The following NCAM2 variants were observed in gnomAD, a reference collection of about 807,000 sequenced individuals.
NCAM2 encodes the protein N-CAM-2.
In NCAM2, 30 loss-of-function variants were observed where a neutral mutation model predicts 98.1. The observed-to-expected ratio is 0.31, with a 90% CI of 0.23 to 0.41. The LOEUF is 0.41. NCAM2 is among the 10% of genes least tolerant of loss of function. NCAM2 has a pLI of 1.00. For missense variants in NCAM2, 867 were observed against 1,005.8 expected, an observed-to-expected ratio of 0.86 and a Z score of 1.87; for synonymous variants, 368 against 342.4, an observed-to-expected ratio of 1.07 and a Z score of -0.83.
intron 11 of NCAM2, among the ~76,000 whole-genome samples, chr21:21,430,403 T>TATATA (rs71195328): frequency 6.1e-5 from 9 of 146,670 alleles, no homozygotes; most frequent in South Asian, 2.2e-4. Context: ...TTTATATATA[T>TATATA]TAGCCCATTC....
chr21:21,327,240 G>A (rs1428793827), intron 6 of NCAM2, among the ~76,000 whole-genome samples: 4 of 148,802 alleles, frequency 2.7e-5, no homozygotes, highest in Non-Finnish European at 4.4e-5. Flanking sequence ...CCCGGGAGAC[G>A]GAGGTTGCAG....
intron 16 of NCAM2, among the ~76,000 whole-genome samples, chr21:21,532,662 C>A (rs1989771317): frequency 6.6e-6 from 1 of 152,056 alleles, no homozygotes; most frequent in South Asian, 2.1e-4. Flanking sequence ...GAATCATTTT[C>A]TTGCTAAGAA....
At chr21:21,516,433 C>G (rs1020567537) in intron 16 of NCAM2, among the ~76,000 whole-genome samples, 1 of 151,588 alleles carries the variant, frequency 6.6e-6, no homozygotes, top group Non-Finnish European at 1.5e-5. Flanking sequence ...TAAAATGAAA[C>G]GCCATATGCC....
At chr21:21,492,266 C>G (rs1986903033) in intron 15 of NCAM2, among the ~76,000 whole-genome samples, 1 of 151,836 alleles carries the variant, frequency 6.6e-6, no homozygotes, top group Admixed American at 6.6e-5. Flanking sequence ...AAGTAAATTT[C>G]TGACCTATAA....
chr21:21,216,314 G>C (rs983520978), intron 1 of NCAM2, among the ~76,000 whole-genome samples: 1 of 152,166 alleles, frequency 6.6e-6, no homozygotes, highest in Non-Finnish European at 1.5e-5. Flanking sequence ...TGGGGGAAGG[G>C]TGGATTAAAA....
At chr21:21,125,287 T>C (rs1404704199) in intron 1 of NCAM2, among the ~76,000 whole-genome samples, 2 of 148,814 alleles carry the variant, frequency 1.3e-5, no homozygotes, top group Non-Finnish European at 3.0e-5. Context: ...ATCATACCCC[T>C]GATGTGAGAT....
At chr21:21,125,535 A>AATATATATTACATATATAC (rs1201878610) in intron 1 of NCAM2, among the ~76,000 whole-genome samples, 3 of 8,958 alleles carry the variant, frequency 3.3e-4, no homozygotes, top group African/African-American at 5.4e-4. Flanking sequence ...TAATATATAA[A>AATATATATTACATATATAC]ATATATATTA....
intron 1 of NCAM2, among the ~76,000 whole-genome samples, chr21:21,069,355 G>T (rs1390535839): frequency 6.6e-6 from 1 of 152,174 alleles, no homozygotes; most frequent in Non-Finnish European, 1.5e-5. Context: ...AATTGCAGAA[G>T]AGACCCTTTA....
At chr21:21,288,525 T>C (rs1264673032) in intron 4 of NCAM2, among the ~76,000 whole-genome samples, 2 of 151,798 alleles carry the variant, frequency 1.3e-5, no homozygotes, top group African/African-American at 4.8e-5. Flanking sequence ...AAAAATAAAA[T>C]AAAATCATAT....
At chr21:21,133,539 G>T (rs979158706) in intron 1 of NCAM2, among the ~76,000 whole-genome samples, 7 of 152,134 alleles carry the variant, frequency 4.6e-5, no homozygotes, top group Non-Finnish European at 1.0e-4. Context: ...TAAATATATG[G>T]CAAATTGCAC....
intron 1 of NCAM2, among the ~76,000 whole-genome samples, chr21:21,198,279 T>G (rs1335292359): frequency 6.6e-6 from 1 of 151,806 alleles, no homozygotes; most frequent in Non-Finnish European, 1.5e-5. Flanking sequence ...GTTAACTGGA[T>G]TCTATCAATT....
At chr21:21,110,653 A>AT (rs939919217) in intron 1 of NCAM2, among the ~76,000 whole-genome samples, 3 of 150,772 alleles carry the variant, frequency 2.0e-5, no homozygotes, top group Admixed American at 6.6e-5. Flanking sequence ...TGTATGAGTT[A>AT]TTTTTTTGGA....
chr21:21,217,211 C>G (rs1471614913), intron 1 of NCAM2, among the ~76,000 whole-genome samples: 2 of 152,062 alleles, frequency 1.3e-5, no homozygotes, highest in Non-Finnish European at 2.9e-5. Context: ...ACACACCATA[C>G]CACCAGGTCT....
intron 15 of NCAM2, among the ~76,000 whole-genome samples, chr21:21,479,533 G>A (rs1413842653): frequency 7.4e-6 from 1 of 134,272 alleles, no homozygotes; most frequent in Non-Finnish European, 1.5e-5. Context: ...GCAGTGAGCC[G>A]AGACCGCGCC....
intron 8 of NCAM2, among the ~76,000 whole-genome samples, chr21:21,364,281 TATCA>T (rs929708793): frequency 6.6e-6 from 1 of 151,964 alleles, no homozygotes; most frequent in Non-Finnish European, 1.5e-5. Context: ...ATAAATCTGT[TATCA>T]ATTATACATG....
In NCAM2 at chr21:21,235,496, T is replaced by C. The variant is rs187869392; in HGVS notation, c.56-45082T>C. Among the ~76,000 whole-genome samples, 361 of 152,208 alleles carry C rather than the reference T, an allele frequency of 2.4e-3. 11 individuals carry two copies. The highest frequency in any genetic ancestry group is 1.3e-3 in the East Asian group (7 of 5,188). ...ATTTTCTCAATTCATTATATTTAAT[T>C]GATTAATTACAAAATTCTCCAGAAA... On this transcript the variant is annotated intron_variant, in intron 1 of 17. Transcript: ENST00000400546.
chr21:21,259,244 C>G (rs1346569556), intron 1 of NCAM2, among the ~76,000 whole-genome samples: 1 of 152,156 alleles, frequency 6.6e-6, no homozygotes, highest in East Asian at 1.9e-4. Flanking sequence ...GTTGTCTGCT[C>G]TGGACTGAGA....
intron 1 of NCAM2, among the ~76,000 whole-genome samples, chr21:21,037,122 CCGGGCTCAATGAATCTTTCCAT>C (rs1211929887): frequency 6.6e-6 from 1 of 152,114 alleles, no homozygotes; most frequent in East Asian, 1.9e-4. Flanking sequence ...CCTGGACTTC[CCGGGCTCAATGAATCTTTCCAT>C]CAGTCTCCCT....
At chr21:21,108,782 A>G (rs1030913211) in intron 1 of NCAM2, among the ~76,000 whole-genome samples, 1 of 152,130 alleles carries the variant, frequency 6.6e-6, no homozygotes, top group African/African-American at 2.4e-5. Context: ...TTGTATTGGA[A>G]AAACTATCCA....
Sources: gnomAD v4.1 joint callset for allele counts (sites outside exome capture counted in the v4.1 genomes callset) on GRCh38, gnomAD v4.1.1 for gene constraint, MANE v1.5 for transcripts, NCBI Gene and HGNC (gene_info 2026-07-23, HGNC 2026-07-21) for gene names.